The following MED25 variants were observed in gnomAD, a reference collection of about 807,000 sequenced individuals.
The protein encoded by MED25 is mediator complex subunit 25.
MED25 carries 62 observed loss-of-function variants against 89.4 expected under a neutral mutation model. That is an observed-to-expected ratio of 0.69 (90% CI 0.57 to 0.86). The LOEUF is 0.86. Among genes scored for constraint, MED25 ranks in the 40% least tolerant of loss-of-function variants. MED25 has a pLI of 0.00. For synonymous variants in MED25, 449 were observed against 427.9 expected (o/e 1.05, Z -0.61); for missense variants, 905 against 1,005.2 (o/e 0.90, Z 1.35).
At position 49,835,944 on chromosome 19, in the gene MED25, C is replaced by T. The variant is rs202187834; in HGVS notation, c.1964C>T (p.Pro655Leu). The part of the protein sequence containing the change: ...QLRSLLLNPP[P>L]PQTGVPPPQA... ...CGAAGCCTCCTCCTCAACCCACCAC[C>T]GGTGAGATGTTGGGGTGGGGTAGCG... Residue 655 changes from proline to leucine, a missense_variant and splice_region_variant, in exon 16 of 18, where the codon CCG (proline) becomes CTG (leucine). By Grantham distance (98) the Pro-to-Leu change is moderately conservative. Coordinates refer to ENST00000312865, the MANE Select transcript of MED25 (RefSeq NM_030973.4). The surrounding 1 kb of genome is among the most constrained non-coding windows in gnomAD (Gnocchi z 6.2). The T allele has an allele frequency of 1.2e-4, 195 of 1,612,790 alleles. No individual in the cohort carries two copies. The highest frequency in any genetic ancestry group is 1.6e-4 in the Non-Finnish European group (186 of 1,179,970).
chr19:49,830,663 T>G lies in MED25; in HGVS notation c.908-31T>G. ...GGCAGGCCTCTCTCCACACACTTGT[T>G]CCCCACTTCTTCCCTTGGTCTCTCC... On this transcript the variant is annotated intron_variant, in intron 8 of 17. Transcript: ENST00000312865. The surrounding 1 kb of genome is among the most constrained non-coding windows in gnomAD (Gnocchi z 4.6). The G allele has an allele frequency of 6.2e-7, 1 of 1,613,328 alleles. No homozygotes were observed. The highest frequency in any genetic ancestry group is 8.5e-7 in the Non-Finnish European group (1 of 1,179,288).
chr19:49,834,133 C>G lies in MED25; in HGVS notation c.1483-853C>G, dbSNP rs909794105. ...AAACTTTCTCAGATTCCAGAGCAGG[C>G]ATTCCTTTCACCTCCTATCCCGGAC... On this transcript the variant is annotated intron_variant, in intron 13 of 17. Transcript: ENST00000312865. This position sits in a 1 kb window ranked among gnomAD's most constrained non-coding sequence, Gnocchi z 4.1. 4 of 152,236 alleles carry G rather than the reference C, an allele frequency of 2.6e-5. No homozygotes were observed. Among genetic ancestry groups the G allele is most frequent in the African/African-American group, 9.7e-5 (4 of 41,444 alleles). 9.4% of individuals were successfully genotyped at this position (152,236 alleles called of 1,614,324 possible). A position where few individuals can be genotyped will look rare whatever the true frequency, so the allele number is the denominator to read the frequency against.
rs2074062178 is a variant in MED25, at chr19:49,832,112, G to A, written c.1329G>A (p.Gln443=). 6.2e-7 allele frequency: 1 copy of A among 1,613,372 alleles called. No individual in the cohort carries two copies. The highest frequency in any genetic ancestry group is 1.3e-5 in the African/African-American group (1 of 75,044). ...VNHGENLKTE[Q]WPQKLIMQLI... is the part of the protein sequence containing the mutation. Reference sequence around the variant, plus strand: ...GCATCGCCCCCAGGAAGACGGAGCAGTGGCCCCAGAAGCTGATCATGCAGC... The same window carrying A: ...GCATCGCCCCCAGGAAGACGGAGCAATGGCCCCAGAAGCTGATCATGCAGC... The change falls in exon 12 of 18, where the codon CAG becomes CAA. Residue 443 remains glutamine, a synonymous_variant. Transcript: ENST00000312865.
intron 3 of MED25, among the ~76,000 whole-genome samples, chr19:49,826,640 G>A (rs1014908207): frequency 2.6e-5 from 4 of 152,348 alleles, no homozygotes; most frequent in East Asian, 1.9e-4. Flanking sequence ...CACAGGGTGC[G>A]GAGAGAAGCT....
chr19:49,831,404 G>A lies in MED25; in HGVS notation c.1173G>A (p.Gly391=). 6.2e-7 allele frequency: 1 copy of A among 1,611,314 alleles called. No individual in the cohort carries two copies. Among genetic ancestry groups the A allele is most frequent in the Non-Finnish European group, 8.5e-7 (1 of 1,178,960 alleles). Residue 391 remains glycine (G), a synonymous_variant, in exon 10 of 18, where the codon GGG becomes GGA. Transcript: ENST00000312865. This position sits in a 1 kb window ranked among gnomAD's most constrained non-coding sequence, Gnocchi z 5.0. ...PAQLGAPALG[G]QQSVSNKLLA... is the part of the protein sequence containing the mutation. ...AGCTGGGAGCCCCAGCCCTCGGTGG[G>A]CAGCAGTCAGTCTCCAATAAGCTTC...
chr19:49,837,408 G>A (rs551111599), downstream of MED25, among the ~76,000 whole-genome samples: 2 of 152,374 alleles, frequency 1.3e-5, no homozygotes, highest in East Asian at 1.9e-4. Context: ...GCATGAGCAT[G>A]TAGGGAGCTA....
chr19:49,830,934 C>A lies in MED25; in HGVS notation c.1101+47C>A. 1 of 1,545,548 alleles carries A rather than the reference C, an allele frequency of 6.5e-7. No individual in the cohort carries two copies. On this transcript the variant is annotated intron_variant, in intron 9 of 17. Coordinates refer to ENST00000312865, the MANE Select transcript of MED25 (RefSeq NM_030973.4). This position sits in a 1 kb window ranked among gnomAD's most constrained non-coding sequence, Gnocchi z 4.6. The stretch of plus-strand genomic sequence containing the variant: ...GCCCCTGCTCCTTCCTCCTGCTGTC[C>A]ACAGCTAGGACAGTTAGAGGATGAG...
Position 49,834,539 on chromosome 19 carries a change from A to C in MED25, c.1483-447A>C. 3.8e-6 allele frequency: 1 copy of C among 266,390 alleles called. No homozygotes were observed. Among genetic ancestry groups the C allele is most frequent in the African/African-American group, 2.2e-5 (1 of 45,730 alleles). The allele number at this position is 266,390 out of a possible 1,614,324, so 16.5% of individuals were successfully genotyped here. On this transcript the variant is annotated intron_variant, in intron 13 of 17. Transcript: ENST00000312865. This position sits in a 1 kb window ranked among gnomAD's most constrained non-coding sequence, Gnocchi z 4.1. ...TGTGGGAGCACTCCCCGTGGTGTAC[A>C]CTGGCCGGTGCTGAGGGCTGGAGGA... is the stretch of plus-strand genomic sequence containing the variant.
At position 49,836,612 on chromosome 19, in the gene MED25, G is replaced by A; in HGVS notation, c.2146+206G>A. ...CTAGTGGGTTAAGAGCGTTTCCCATGATCCTCCTGTGTGTGCTCCTGGGAT... is the reference window on the plus strand; with the variant it reads ...CTAGTGGGTTAAGAGCGTTTCCCATAATCCTCCTGTGTGTGCTCCTGGGAT... On this transcript the variant is annotated intron_variant, in intron 17 of 17. Transcript: ENST00000312865. The surrounding 1 kb of genome is among the most constrained non-coding windows in gnomAD (Gnocchi z 5.1). 1.3e-6 allele frequency: 1 copy of A among 755,906 alleles called. No individual in the cohort carries two copies. The highest frequency in any genetic ancestry group is 1.5e-5 in the South Asian group (1 of 67,606). The allele number at this position is 755,906 out of a possible 1,614,324, so 46.8% of individuals were successfully genotyped here. A position where few individuals can be genotyped will look rare whatever the true frequency, so the allele number is the denominator to read the frequency against.
chr19:49,822,671 A>G lies in MED25; in HGVS notation c.305+3375A>G, dbSNP rs1418448330. On this transcript the variant is annotated intron_variant, in intron 3 of 17. Coordinates refer to ENST00000312865, the MANE Select transcript of MED25 (RefSeq NM_030973.4). ...TTTTTTTTTTTTTTTTTTTTGAGACAGAGTCTCGCTCTGTTGTCCAGGCTG... is the reference window on the plus strand; with the variant it reads ...TTTTTTTTTTTTTTTTTTTTGAGACGGAGTCTCGCTCTGTTGTCCAGGCTG... Among the ~76,000 whole-genome samples the G allele has an allele frequency of 7.4e-5, 9 of 121,490 alleles. No individual in the cohort carries two copies. The East Asian group carries it at 2.3e-3, about 31-fold the overall frequency. 79.7% of individuals were successfully genotyped at this position (121,490 alleles called of 152,430 possible).
intron 2 of MED25, chr19:49,818,915 C>A: frequency 2.0e-6 from 1 of 511,240 alleles, no homozygotes. Flanking sequence ...AAAGGAGGAG[C>A]TGAGGCCTGG....
Position 49,834,417 on chromosome 19 carries a change from A to C in MED25, c.1483-569A>C, listed in dbSNP as rs969694970. The C allele has an allele frequency of 1.6e-4, 27 of 169,818 alleles. No homozygotes were observed. The highest frequency in any genetic ancestry group is 6.0e-4 in the African/African-American group (25 of 41,862). The allele number at this position is 169,818 out of a possible 1,614,324, so 10.5% of individuals were successfully genotyped here. On this transcript the variant is annotated intron_variant, in intron 13 of 17. Coordinates refer to ENST00000312865, the MANE Select transcript of MED25 (RefSeq NM_030973.4). The surrounding 1 kb of genome is among the most constrained non-coding windows in gnomAD (Gnocchi z 4.1). ...GAATGCTCCATGTGTTACCCCCCTG[A>C]TGACCAGTGATGTTTCCTGGGTGCT...
In MED25 at chr19:49,836,318, G is replaced by A. The variant is rs2074097813; in HGVS notation, c.2058G>A (p.Leu686=). 1 of 1,611,102 alleles carries A rather than the reference G, an allele frequency of 6.2e-7. No individual in the cohort carries two copies. The highest frequency in any genetic ancestry group is 8.5e-7 in the Non-Finnish European group (1 of 1,179,154). ...PALLPPPHQG[L]GQPQLGPPLL... ...TGCTGCCTCCGCCGCACCAGGGCCT[G>A]GGGCAGCCCCAGTTGGGGCCCCCAC... is the stretch of plus-strand genomic sequence containing the variant. The change falls in exon 17 of 18, where the codon CTG becomes CTA. Residue 686 remains leucine, a synonymous_variant. Coordinates refer to ENST00000312865, the MANE Select transcript of MED25 (RefSeq NM_030973.4). This position sits in a 1 kb window ranked among gnomAD's most constrained non-coding sequence, Gnocchi z 5.1.
chr19:49,839,026 G>A (rs2122123248), downstream of MED25: 1 of 325,258 alleles, frequency 3.1e-6, no homozygotes, highest in East Asian at 8.1e-5. Flanking sequence ...TGCACAGTGA[G>A]TTGGAGATAA....
At chr19:49,839,837 C>G (rs2074122479), downstream of MED25, 1 of 152,190 alleles carries the variant, frequency 6.6e-6, no homozygotes. Flanking sequence ...CCCCCAAAGG[C>G]TCTCGGAATC....
At chr19:49,827,602 A>G (rs1441354744) in intron 3 of MED25, among the ~76,000 whole-genome samples, 2 of 152,078 alleles carry the variant, frequency 1.3e-5, no homozygotes, top group Non-Finnish European at 2.9e-5. Flanking sequence ...CACCAGCCAT[A>G]GTGGATTAGG....
At chr19:49,828,792 G>A (rs1162770096) in intron 4 of MED25, among the ~76,000 whole-genome samples, 178 bp from the exon 5 acceptor site, 1 of 152,224 alleles carries the variant, frequency 6.6e-6, no homozygotes, top group Admixed American at 6.5e-5. Flanking sequence ...TGCCTGCTGG[G>A]TGACGTAGAG....
Position 49,836,778 on chromosome 19 carries a change from A to T in MED25, c.2147-69A>T. 1 of 1,210,474 alleles carries T rather than the reference A, an allele frequency of 8.3e-7. No individual in the cohort carries two copies. Among genetic ancestry groups the T allele is most frequent in the Non-Finnish European group, 1.2e-6 (1 of 827,096 alleles). The allele number at this position is 1,210,474 out of a possible 1,614,324, so 75.0% of individuals were successfully genotyped here. A position where few individuals can be genotyped will look rare whatever the true frequency, so the allele number is the denominator to read the frequency against. On this transcript the variant is annotated intron_variant, in intron 17 of 17. Coordinates refer to ENST00000312865, the MANE Select transcript of MED25 (RefSeq NM_030973.4). This position sits in a 1 kb window ranked among gnomAD's most constrained non-coding sequence, Gnocchi z 5.1. Reference sequence around the variant, plus strand: ...CCCCCAAGGGCTGCCTAGAAAACTTAGTGCCTCTGGGCCCTCCTGGGCCCA... The same window carrying T: ...CCCCCAAGGGCTGCCTAGAAAACTTTGTGCCTCTGGGCCCTCCTGGGCCCA...
chr19:49,831,910 C>G lies in MED25; in HGVS notation c.1231-26C>G. The G allele has an allele frequency of 1.2e-6, 2 of 1,608,180 alleles. No homozygotes were observed. Among genetic ancestry groups the G allele is most frequent in the Non-Finnish European group, 1.7e-6 (2 of 1,174,620 alleles). ...GGACTGAGGCTTATGGCCCTTTTTA[C>G]TGACATGCTCTTTTTTCCCCCTCAG... On this transcript the variant is annotated intron_variant, in intron 10 of 17. Coordinates refer to ENST00000312865, the MANE Select transcript of MED25 (RefSeq NM_030973.4). This position sits in a 1 kb window ranked among gnomAD's most constrained non-coding sequence, Gnocchi z 5.0.
Sources: allele counts gnomAD v4.1 joint callset (sites outside exome capture counted in the v4.1 genomes callset), GRCh38; gene constraint gnomAD v4.1.1; non-coding constraint Gnocchi (gnomAD v3.1); transcripts MANE v1.5; gene names NCBI Gene and HGNC (gene_info 2026-07-23, HGNC 2026-07-21).